Variants in LEF1 observed in about 807,000 individuals in gnomAD.
LEF1 encodes the protein lymphoid enhancer binding factor 1.
Under a neutral mutation model 51.2 loss-of-function variants are expected in LEF1, and 14 were observed. The ratio of observed to expected loss-of-function variants is 0.27; its 90% CI spans 0.18 to 0.43. The LOEUF (loss-of-function observed/expected upper bound fraction) is 0.43, where lower values mean the gene tolerates loss of function less well. Ranked by LOEUF, LEF1 falls within the 20% of genes least tolerant of loss-of-function variation. The pLI is 1.00. For missense variants in LEF1, 386 were observed against 512.0 expected (o/e 0.75, Z 2.37); for synonymous variants, 185 against 183.2 (o/e 1.01, Z -0.08).
intron 8 of LEF1, chr4:108,072,392 ACACCC>A (rs1344210037): frequency 6.6e-6 from 1 of 152,404 alleles, no homozygotes; most frequent in Admixed American, 6.5e-5. Context: ...CCTTCCGGCC[ACACCC>A]CACCTCCAGT....
chr4:108,160,462 C>T (rs1452450724), intron 3 of LEF1, among the ~76,000 whole-genome samples: 6 of 152,172 alleles, frequency 3.9e-5, no homozygotes, highest in Admixed American at 2.6e-4. Context: ...TAAGAACTCA[C>T]GCTGACACCA....
Position 108,166,410 on chromosome 4 carries a change from C to G in LEF1, c.213+1145G>C, listed in dbSNP as rs988519762. Reference sequence around the variant, plus strand: ...GCCATTTAAGGAAAAAAAGGTATATCCTCCAAGTTTCTTTGGAGGGAAAAG... The same window carrying G: ...GCCATTTAAGGAAAAAAAGGTATATGCTCCAAGTTTCTTTGGAGGGAAAAG... On this transcript the variant is annotated intron_variant, in intron 1 of 11. Coordinates refer to ENST00000265165, the MANE Select transcript of LEF1 (RefSeq NM_016269.5). The G allele has an allele frequency of 1.1e-5, 15 of 1,424,030 alleles. No homozygotes were observed. In the African/African-American group the frequency reaches 1.5e-4, roughly 14 times the overall value. 88.2% of individuals were successfully genotyped at this position (1,424,030 alleles called of 1,614,324 possible). A position where few individuals can be genotyped will look rare whatever the true frequency, so the allele number is the denominator to read the frequency against.
chr4:108,063,105 TAAATA>T (rs1385299214), intron 11 of LEF1, among the ~76,000 whole-genome samples: 1 of 152,148 alleles, frequency 6.6e-6, no homozygotes, highest in East Asian at 1.9e-4. Context: ...CATGCCATAT[TAAATA>T]ATAGAAAAAA....
chr4:108,070,104 A>T (rs2126274108), intron 9 of LEF1, among the ~76,000 whole-genome samples: 1 of 152,288 alleles, frequency 6.6e-6, no homozygotes, highest in East Asian at 1.9e-4. Context: ...TACATTTGTA[A>T]GAAAAACAAT....
At chr4:108,063,789 T>G in intron 10 of LEF1, 126 bp from the exon 11 acceptor site, 2 of 668,944 alleles carry the variant, frequency 3.0e-6, no homozygotes, top group South Asian at 4.1e-5. Flanking sequence ...ACCAGCCATT[T>G]TTATTTGTGC....
At chr4:108,102,105 A>AT (rs1433699511) in intron 3 of LEF1, among the ~76,000 whole-genome samples, 2 of 152,004 alleles carry the variant, frequency 1.3e-5, no homozygotes, top group Non-Finnish European at 2.9e-5. Context: ...TTTACTGAAC[A>AT]TTTTAAGAAT....
chr4:108,083,010 A>G (rs1356790183), intron 5 of LEF1, among the ~76,000 whole-genome samples: 1 of 152,218 alleles, frequency 6.6e-6, no homozygotes, highest in Non-Finnish European at 1.5e-5. Flanking sequence ...TTTGAAAAAT[A>G]TAAGTTGTTC....
intron 11 of LEF1, among the ~76,000 whole-genome samples, chr4:108,062,083 AG>A (rs1737729221): frequency 6.6e-6 from 1 of 152,106 alleles, no homozygotes; most frequent in Non-Finnish European, 1.5e-5. Context: ...CAACCACCAC[AG>A]GGGGTAGGTA....
chr4:108,159,624 G>A (rs1406618641), intron 3 of LEF1, among the ~76,000 whole-genome samples: 1 of 152,184 alleles, frequency 6.6e-6, no homozygotes, highest in Non-Finnish European at 1.5e-5. Flanking sequence ...GTCCAACTTA[G>A]TTCCTTAATT....
chr4:108,099,938 AAC>A (rs1740701668), intron 3 of LEF1, among the ~76,000 whole-genome samples: 1 of 152,070 alleles, frequency 6.6e-6, no homozygotes, highest in Admixed American at 6.6e-5. Context: ...ACAAATACCT[AAC>A]ACACATTTTC....
intron 3 of LEF1, among the ~76,000 whole-genome samples, chr4:108,150,318 A>G (rs1744292236): frequency 6.6e-6 from 1 of 152,186 alleles, no homozygotes; most frequent in African/African-American, 2.4e-5. Context: ...TCATACAGCT[A>G]TTTGATTAAT....
At chr4:108,099,171 A>G (rs1740584010) in intron 3 of LEF1, among the ~76,000 whole-genome samples, 1 of 152,166 alleles carries the variant, frequency 6.6e-6, no homozygotes, top group African/African-American at 2.4e-5. Flanking sequence ...TTTATTACTA[A>G]AATTAATTTT....
intron 3 of LEF1, among the ~76,000 whole-genome samples, chr4:108,126,480 A>AT (rs998182194): frequency 1.3e-5 from 2 of 152,200 alleles, no homozygotes; most frequent in African/African-American, 2.4e-5. Context: ...TCATTTCCTG[A>AT]TTTTTTTATT....
At chr4:108,076,523 C>A (rs1303582239) in intron 8 of LEF1, among the ~76,000 whole-genome samples, 1 of 152,088 alleles carries the variant, frequency 6.6e-6, no homozygotes, top group Non-Finnish European at 1.5e-5. Context: ...TTATAGGCAT[C>A]CACCACCACA....
intron 11 of LEF1, among the ~76,000 whole-genome samples, chr4:108,055,605 T>A (rs544354107): frequency 3.3e-5 from 5 of 152,356 alleles, no homozygotes; most frequent in African/African-American, 9.6e-5. Context: ...ATACTTCTTT[T>A]TTATTCTATA....
chr4:108,142,245 G>A (rs75293340), intron 3 of LEF1, among the ~76,000 whole-genome samples: 3,898 of 152,272 alleles, frequency 0.026, 156 homozygotes, highest in African/African-American at 0.089. Context: ...CAACTAAGCA[G>A]AGCAGATACT....
chr4:108,066,611 C>A (rs1011641489), intron 9 of LEF1, among the ~76,000 whole-genome samples: 3 of 152,220 alleles, frequency 2.0e-5, no homozygotes, highest in Non-Finnish European at 4.4e-5. Flanking sequence ...ACCGCTAAAT[C>A]AAATAACCTG....
chr4:108,081,588 G>A lies in LEF1; in HGVS notation c.720C>T (p.Ser240=), dbSNP rs763944937. Residue 240 remains serine (S), a splice_region_variant and synonymous_variant, in exon 6 of 12, where the codon TCC becomes TCT. Coordinates refer to ENST00000265165, the MANE Select transcript of LEF1 (RefSeq NM_016269.5). Reference sequence around the variant, plus strand: ...CCCCAGTTTCCACCTCCACCTACCTGGACATGGAAGTGTCGACTGACAGTG... The same window carrying A: ...CCCCAGTTTCCACCTCCACCTACCTAGACATGGAAGTGTCGACTGACAGTG... ...PSSLSVDTSM[S]RFSHHMIPGP... The A allele has an allele frequency of 1.2e-6, 2 of 1,613,426 alleles. No homozygotes were observed. The highest frequency in any genetic ancestry group is 1.7e-6 in the Non-Finnish European group (2 of 1,179,472).
intron 8 of LEF1, 136 bp downstream of exon 8, chr4:108,078,084 C>A (rs1578315005): frequency 2.4e-6 from 2 of 834,090 alleles, no homozygotes; most frequent in Admixed American, 2.3e-5. Context: ...TATCAAAATT[C>A]TTTAAAATGC....
Sources: gnomAD v4.1 joint callset for allele counts (sites outside exome capture counted in the v4.1 genomes callset) on GRCh38, gnomAD v4.1.1 for gene constraint, MANE v1.5 for transcripts, NCBI Gene and HGNC (gene_info 2026-07-23, HGNC 2026-07-21) for gene names.